The following ZNF717 variants were observed in gnomAD, a reference collection of about 807,000 sequenced individuals.
ZNF717 encodes the protein zinc finger protein 717.
In ZNF717, 9 loss-of-function variants were observed where a neutral mutation model predicts 13.8. That is an observed-to-expected ratio of 0.65 (90% CI 0.39 to 1.14). ZNF717 has a LOEUF of 1.14. Ranked by LOEUF, ZNF717 falls within the 50% of genes most tolerant of loss-of-function variation. ZNF717 has a pLI of 0.01. For synonymous variants in ZNF717, 327 were observed against 364.1 expected (o/e 0.90, Z 1.16); for missense variants, 1,040 against 1,080.7 (o/e 0.96, Z 0.53).
chr3:75,761,332 T>C (rs1399189212), intron 2 of ZNF717, among the ~76,000 whole-genome samples: 2 of 152,268 alleles, frequency 1.3e-5, no homozygotes, highest in Non-Finnish European at 2.9e-5. Flanking sequence ...GATGAACACC[T>C]TTCATAATAA....
chr3:75,785,130 G>C (rs1945070323), intron 1 of ZNF717: 1 of 152,316 alleles, frequency 6.6e-6, no homozygotes, highest in African/African-American at 2.4e-5. Context: ...CGAGGCGCAC[G>C]CGTTTCGCAC....
In ZNF717 at chr3:75,742,007, A is replaced by G. The variant is rs1451434801; in HGVS notation, c.58-271T>C. 8.7e-6 allele frequency: 4 copies of G among 457,428 alleles called. No homozygotes were observed. The East Asian group carries it at 1.4e-4, about 16-fold the overall frequency. 28.3% of individuals were successfully genotyped at this position (457,428 alleles called of 1,614,324 possible). On this transcript the variant is annotated intron_variant, in intron 2 of 4. Transcript: ENST00000652011. ...AGATGTAGTTTGTTTTGCACTGTTTATGGTGGGAGAAGGAGTAATCACAGT... is the reference window on the plus strand; with the variant it reads ...AGATGTAGTTTGTTTTGCACTGTTTGTGGTGGGAGAAGGAGTAATCACAGT...
At chr3:75,740,781 T>G (rs148225416) in intron 4 of ZNF717, among the ~76,000 whole-genome samples, 7,462 of 94,358 alleles carry the variant, frequency 0.079, no homozygotes, top group Non-Finnish European at 0.13. Context: ...CAGTGAACTA[T>G]AATCATGCCA....
chr3:75,741,457 A>G (rs1270895168), intron 3 of ZNF717, 89 bp from the exon 4 acceptor site: 2 of 1,372,326 alleles, frequency 1.5e-6, no homozygotes, highest in Middle Eastern at 1.8e-4. Context: ...GGGACTGTGC[A>G]ATGAAGGAGC....
chr3:75,740,498 C>A (rs1413036071), intron 4 of ZNF717, among the ~76,000 whole-genome samples: 1 of 151,754 alleles, frequency 6.6e-6, no homozygotes, highest in Non-Finnish European at 1.5e-5. Flanking sequence ...CTCCTGAGCT[C>A]AAGCAATCCT....
At chr3:75,741,432 G>T (rs73843028) in intron 3 of ZNF717, 64 bp from the exon 4 acceptor site, 1 of 1,085,312 alleles carries the variant, frequency 9.2e-7, no homozygotes, top group Admixed American at 2.3e-5. Flanking sequence ...TCAGAATGAC[G>T]ACAGCTGGGC....
At position 75,783,311 on chromosome 3, in the gene ZNF717, A is replaced by G. The variant is rs1168546118; in HGVS notation, c.52T>C (p.Ser18Pro). The change falls in exon 2 of 5, where the codon TCT becomes CCT. Residue 18 changes from serine to proline, a missense_variant. Around this residue, in one of 3 missense-constraint regions of ZNF717, gnomAD observed 123 missense variants for 177.8 expected, o/e 0.69. Transcript: ENST00000652011. ...AGAACAAATAAACAACTCACCAGAGATTTATTCTTTTCTTGTAGCTCTTGG... is the reference window on the plus strand; with the variant it reads ...AGAACAAATAAACAACTCACCAGAGGTTTATTCTTTTCTTGTAGCTCTTGG... ...CFQELQEKNK[S>P]LELVSFEEVA... The G allele has an allele frequency of 6.5e-7, 1 of 1,550,310 alleles. No individual in the cohort carries two copies. Among genetic ancestry groups the G allele is most frequent in the Non-Finnish European group, 8.7e-7 (1 of 1,145,746 alleles).
At chr3:75,696,280 G>A (rs1269215328) in intron 6 of ZNF717, among the ~76,000 whole-genome samples, 3 of 152,376 alleles carry the variant, frequency 2.0e-5, no homozygotes, top group African/African-American at 7.2e-5. Context: ...AACCTGAACA[G>A]ACCAATAACA....
intron 6 of ZNF717, among the ~76,000 whole-genome samples, chr3:75,698,796 G>A: frequency 6.6e-6 from 1 of 152,312 alleles, no homozygotes; most frequent in Non-Finnish European, 1.5e-5. Flanking sequence ...ACTGGGGCAT[G>A]GCCTAGGAGA....
At chr3:75,780,988 G>A (rs1299803726) in intron 2 of ZNF717, among the ~76,000 whole-genome samples, 2 of 152,246 alleles carry the variant, frequency 1.3e-5, no homozygotes, top group African/African-American at 2.4e-5. Flanking sequence ...AAGCAAGTAA[G>A]TACATTTGCA....
At chr3:75,766,734 T>C (rs1159282639) in intron 2 of ZNF717, among the ~76,000 whole-genome samples, 2 of 152,276 alleles carry the variant, frequency 1.3e-5, no homozygotes, top group African/African-American at 4.8e-5. Context: ...AGACAGACTG[T>C]ATGTCCATCT....
downstream of ZNF717, among the ~76,000 whole-genome samples, chr3:75,729,358 G>A (rs1193666317): frequency 6.6e-6 from 1 of 152,248 alleles, no homozygotes; most frequent in Non-Finnish European, 1.5e-5. Context: ...GCTCACATCT[G>A]TAATCCCAGC....
chr3:75,725,529 A>G (rs1424602100), downstream of ZNF717, among the ~76,000 whole-genome samples: 2 of 152,184 alleles, frequency 1.3e-5, no homozygotes, highest in African/African-American at 4.8e-5. Flanking sequence ...CAAACTCATA[A>G]TAAGTCTCCG....
Position 75,738,611 on chromosome 3 carries a change from G to C in ZNF717, c.1012C>G (p.Pro338Ala). Residue 338 changes from proline (P) to alanine (A), a missense_variant, in exon 5 of 5, where the codon CCC becomes GCC. Pro to Ala is a conservative substitution (Grantham distance 27). Around this residue, in one of 3 missense-constraint regions of ZNF717, gnomAD observed 873 missense variants for 832.8 expected, o/e 1.05. Coordinates refer to ENST00000652011, the MANE Select transcript of ZNF717 (RefSeq NM_001290208.3). ...TTACCACATTCATTGCATCCATAGG[G>C]CTTTTCCCCTGTGTGAATTCTCTGA... is the stretch of plus-strand genomic sequence containing the variant. ...IHQRIHTGEKPYGCNECGKTF... is the reference protein window; with the variant it reads ...IHQRIHTGEKAYGCNECGKTF... 6.4e-7 allele frequency: 1 copy of C among 1,552,226 alleles called. No homozygotes were observed. Among genetic ancestry groups the C allele is most frequent in the Middle Eastern group, 1.7e-4 (1 of 5,990 alleles).
At chr3:75,756,282 C>A (rs62268081) in intron 2 of ZNF717, among the ~76,000 whole-genome samples, 1 of 152,214 alleles carries the variant, frequency 6.6e-6, no homozygotes, top group African/African-American at 2.4e-5. Flanking sequence ...CACCAACGGG[C>A]CATTTCTCTT....
At chr3:75,709,924 C>G (rs78102474) in exon 6 of ZNF717, 2 of 151,560 alleles carry the variant, frequency 1.3e-5, no homozygotes, top group African/African-American at 4.9e-5. Flanking sequence ...GTTCTCATCC[C>G]ACATTGAGGC....
chr3:75,727,150 T>G, downstream of ZNF717, among the ~76,000 whole-genome samples: 1 of 152,264 alleles, frequency 6.6e-6, no homozygotes, highest in East Asian at 1.9e-4. Context: ...AATCTCCTAA[T>G]CCCGTCATCT....
At chr3:75,717,322 AT>A (rs1938075768) in intron 4 of ZNF717, among the ~76,000 whole-genome samples, 2 of 135,090 alleles carry the variant, frequency 1.5e-5, no homozygotes, top group South Asian at 4.8e-4. Context: ...ATGGATCAAT[AT>A]TTTTTTATTC....
intron 2 of ZNF717, among the ~76,000 whole-genome samples, chr3:75,782,252 TGG>T (rs1401698831): frequency 6.6e-6 from 1 of 152,172 alleles, no homozygotes. Flanking sequence ...AAATAAACAC[TGG>T]AAGTATTTCC....
Sources: gnomAD v4.1 joint callset for allele counts (sites outside exome capture counted in the v4.1 genomes callset) on GRCh38, gnomAD v4.1.1 for gene constraint, gnomAD v4.1.1 regional missense constraint, MANE v1.5 for transcripts, NCBI Gene and HGNC (gene_info 2026-07-23, HGNC 2026-07-21) for gene names.